Variants in UBE2R2 observed in about 807,000 individuals in gnomAD.
The protein encoded by UBE2R2 is ubiquitin conjugating enzyme E2 R2.
In UBE2R2, 1 loss-of-function variant was observed where a neutral mutation model predicts 27.8. The ratio of observed to expected loss-of-function variants is 0.04; its 90% CI spans 0.01 to 0.17. UBE2R2 has a LOEUF of 0.17. Among genes scored for constraint, UBE2R2 ranks in the 10% least tolerant of loss-of-function variants. The probability of loss-of-function intolerance (pLI) is 1.00; values close to 1 mark genes in which losing one functional copy is unlikely to be tolerated. For synonymous variants in UBE2R2, 106 were observed against 113.3 expected (o/e 0.94, Z 0.41); for missense variants, 100 against 291.0 (o/e 0.34, Z 4.78).
chr9:33,886,919 A>C lies in UBE2R2; in HGVS notation c.216A>C (p.Pro72=), dbSNP rs1477340844. The C allele has an allele frequency of 6.2e-7, 1 of 1,601,226 alleles. No individual in the cohort carries two copies. The highest frequency in any genetic ancestry group is 1.4e-5 in the African/African-American group (1 of 73,880). ...TTCCTATTGACTACCCCTATTCACC[A>C]CCTACCTTCAGATTCTTGACCAAAA... The part of the protein sequence containing the change: ...IKFPIDYPYS[P]PTFRFLTKMW... The change falls in exon 2 of 5, where the codon CCA becomes CCC. Residue 72 remains proline, a synonymous_variant. Coordinates refer to ENST00000263228, the MANE Select transcript of UBE2R2 (RefSeq NM_017811.4).
chr9:33,850,286 A>G (rs575212189), intron 1 of UBE2R2, among the ~76,000 whole-genome samples: 1 of 152,260 alleles, frequency 6.6e-6, no homozygotes, highest in East Asian at 1.9e-4. Context: ...GAGCTCTAAA[A>G]ATCAAGTCAG....
intron 1 of UBE2R2, among the ~76,000 whole-genome samples, chr9:33,864,874 G>A (rs1821325195): frequency 6.6e-6 from 1 of 151,992 alleles, no homozygotes; most frequent in Non-Finnish European, 1.5e-5. Context: ...ACAGGCGTGT[G>A]CCACCACACC....
chr9:33,880,931 C>G (rs921560800), intron 1 of UBE2R2, among the ~76,000 whole-genome samples: 2 of 152,272 alleles, frequency 1.3e-5, no homozygotes, highest in Admixed American at 1.3e-4. Flanking sequence ...GCCCTCTTGT[C>G]CATGGAAAAA....
In UBE2R2 at chr9:33,917,099, A is replaced by C; in HGVS notation, c.579A>C (p.Lys193Asn). 6.2e-7 allele frequency: 1 copy of C among 1,614,114 alleles called. No individual in the cohort carries two copies. Residue 193 changes from lysine to asparagine, a missense_variant, in exon 5 of 5, where the codon AAA (lysine) becomes AAC (asparagine). Lys to Asn is a moderately conservative substitution (Grantham distance 94). Coordinates refer to ENST00000263228, the MANE Select transcript of UBE2R2 (RefSeq NM_017811.4). ...CAACCCTGGCGGAATACTGCATCAA[A>C]ACTAAAGTGCCTTCCAATGACAACA... ...VPTTLAEYCI[K>N]TKVPSNDNSS...
intron 2 of UBE2R2, among the ~76,000 whole-genome samples, chr9:33,891,562 G>T (rs1036595511): frequency 2.0e-5 from 3 of 151,254 alleles, no homozygotes; most frequent in African/African-American, 4.9e-5. Context: ...CATGAGAATC[G>T]CTTGAACCCA....
At chr9:33,865,455 C>G (rs1821340481) in intron 1 of UBE2R2, among the ~76,000 whole-genome samples, 1 of 152,092 alleles carries the variant, frequency 6.6e-6, no homozygotes, top group African/African-American at 2.4e-5. Context: ...CTTGGCCTCC[C>G]AAAGTGCTGG....
chr9:33,902,757 G>A (rs1041731401), intron 3 of UBE2R2, among the ~76,000 whole-genome samples: 3 of 152,174 alleles, frequency 2.0e-5, no homozygotes, highest in African/African-American at 2.4e-5. Flanking sequence ...AGCAAATTAT[G>A]TATACATGAA....
intron 1 of UBE2R2, among the ~76,000 whole-genome samples, chr9:33,870,006 C>G (rs961657202): frequency 6.6e-5 from 10 of 151,454 alleles, no homozygotes; most frequent in African/African-American, 2.4e-4. Context: ...GCTACCACAC[C>G]CAGCTAATTT....
rs995169559 is a variant in UBE2R2 at position 33,829,852 on chromosome 9, G to A, written c.177+11918G>A. 7.1e-5 allele frequency among the ~76,000 whole-genome samples: 10 copies of A among 140,710 alleles called. 1 individual carries two copies. The South Asian group carries it at 1.4e-3, about 20-fold the overall frequency. The allele number at this position is 140,710 out of a possible 152,430, so 92.3% of individuals were successfully genotyped here. On this transcript the variant is annotated intron_variant, in intron 1 of 4. Coordinates refer to ENST00000263228, the MANE Select transcript of UBE2R2 (RefSeq NM_017811.4). ...CTCTAGTTGCCCAGACTGGAGTGCA[G>A]TGGCACAATCTCGGCTCACCGCAAC...
At chr9:33,859,523 ACT>A (rs1821176750) in intron 1 of UBE2R2, among the ~76,000 whole-genome samples, 1 of 152,156 alleles carries the variant, frequency 6.6e-6, no homozygotes, top group South Asian at 2.1e-4. Context: ...ACTGGGATGG[ACT>A]CTGAGATACT....
At chr9:33,824,468 C>T (rs1320540318) in intron 1 of UBE2R2, among the ~76,000 whole-genome samples, 2 of 152,034 alleles carry the variant, frequency 1.3e-5, no homozygotes, top group Non-Finnish European at 2.9e-5. Context: ...AACCCCATCT[C>T]TACTAAAAAA....
At chr9:33,857,536 G>A (rs1284885735) in intron 1 of UBE2R2, among the ~76,000 whole-genome samples, 1 of 150,602 alleles carries the variant, frequency 6.6e-6, no homozygotes, top group Non-Finnish European at 1.5e-5. Context: ...GGCTGGTCTG[G>A]AACTTCTGAC....
At chr9:33,864,721 ATTTT>A (rs532796406) in intron 1 of UBE2R2, among the ~76,000 whole-genome samples, 12 of 132,168 alleles carry the variant, frequency 9.1e-5, no homozygotes, top group African/African-American at 1.7e-4. Flanking sequence ...CTAACTTTTA[ATTTT>A]TTTTTTTTTT....
At chr9:33,888,367 C>A (rs954568762) in intron 2 of UBE2R2, among the ~76,000 whole-genome samples, 1 of 152,094 alleles carries the variant, frequency 6.6e-6, no homozygotes, top group Non-Finnish European at 1.5e-5. Context: ...TTGCAGTGGT[C>A]TCATTTTTTC....
chr9:33,870,811 T>A (rs895232584), intron 1 of UBE2R2, among the ~76,000 whole-genome samples: 2 of 152,222 alleles, frequency 1.3e-5, no homozygotes, highest in Non-Finnish European at 2.9e-5. Flanking sequence ...TGAGTATTAT[T>A]TATCACTACT....
intron 2 of UBE2R2, among the ~76,000 whole-genome samples, chr9:33,896,567 T>A (rs1822109302): frequency 6.6e-6 from 1 of 151,786 alleles, no homozygotes; most frequent in Non-Finnish European, 1.5e-5. Context: ...CTCAGCCTTC[T>A]GAGTAGCTGG....
chr9:33,907,841 T>C (rs1822393796), intron 3 of UBE2R2, among the ~76,000 whole-genome samples: 1 of 152,094 alleles, frequency 6.6e-6, no homozygotes, highest in South Asian at 2.1e-4. Context: ...TTGTTGTTTT[T>C]TTTTAAGACA....
At chr9:33,818,937 A>G (rs1313997151) in intron 1 of UBE2R2, 1 of 152,142 alleles carries the variant, frequency 6.6e-6, no homozygotes, top group African/African-American at 2.4e-5. Context: ...TTATCATTCC[A>G]GAATCTAATG....
intron 2 of UBE2R2, among the ~76,000 whole-genome samples, chr9:33,892,875 T>G (rs1049456930): frequency 6.6e-6 from 1 of 152,088 alleles, no homozygotes; most frequent in African/African-American, 2.4e-5. Context: ...TTTTATCTTT[T>G]AGAATCCCCA....
Sources: allele counts gnomAD v4.1 joint callset (sites outside exome capture counted in the v4.1 genomes callset), GRCh38; gene constraint gnomAD v4.1.1; transcripts MANE v1.5; gene names NCBI Gene and HGNC (gene_info 2026-07-23, HGNC 2026-07-21).